PLCB1: variants seen among roughly 807,000 people sequenced by gnomAD.
PLCB1 encodes the protein phospholipase C beta 1.
Under a neutral mutation model 161.8 loss-of-function variants are expected in PLCB1, and 46 were observed. That is an observed-to-expected ratio of 0.28 (90% CI 0.22 to 0.36). The LOEUF (loss-of-function observed/expected upper bound fraction) is 0.36, where lower values mean the gene tolerates loss of function less well. Ranked by LOEUF, PLCB1 falls within the 10% of genes least tolerant of loss-of-function variation. The pLI, the probability that PLCB1 is intolerant of heterozygous loss-of-function variation, is 1.00. For missense variants in PLCB1, 1,016 were observed against 1,472.5 expected (o/e 0.69, Z 5.07); for synonymous variants, 517 against 503.7 (o/e 1.03, Z -0.35).
rs1555774312 is a variant in PLCB1 at position 8,587,179 on chromosome 20, A to AT, written c.247-41115_247-41114insT. Among the ~76,000 whole-genome samples the AT allele has an allele frequency of 2.6e-3, 381 of 144,390 alleles. 2 individuals carry two copies. The highest frequency in any genetic ancestry group is 8.9e-3 in the African/African-American group (345 of 38,884). 94.7% of individuals were successfully genotyped at this position (144,390 alleles called of 152,430 possible). ...CTAACGCCAGCACTATCAATTAAAA[A>AT]ATATATATATATATATGATCTCAAA... On this transcript the variant is annotated intron_variant, in intron 3 of 31. Coordinates refer to ENST00000338037, the MANE Select transcript of PLCB1 (RefSeq NM_015192.4).
chr20:8,694,411 T>C (rs1337245242), intron 10 of PLCB1, among the ~76,000 whole-genome samples: 2 of 152,166 alleles, frequency 1.3e-5, no homozygotes, highest in African/African-American at 4.8e-5. Context: ...AATAAACTCT[T>C]TCTCTTTTTT....
chr20:8,389,815 C>T (rs1987537007), intron 3 of PLCB1, among the ~76,000 whole-genome samples: 1 of 152,098 alleles, frequency 6.6e-6, no homozygotes, highest in Non-Finnish European at 1.5e-5. Context: ...GATGTGCAGG[C>T]CACACCCCAA....
At chr20:8,880,042 G>A (rs1478758519) in intron 31 of PLCB1, among the ~76,000 whole-genome samples, 1 of 152,116 alleles carries the variant, frequency 6.6e-6, no homozygotes, top group African/African-American at 2.4e-5. Flanking sequence ...GGCCTCCTGA[G>A]TCGGACAGAA....
chr20:8,875,090 A>G (rs1191002106), intron 31 of PLCB1, among the ~76,000 whole-genome samples: 1 of 151,712 alleles, frequency 6.6e-6, no homozygotes, highest in African/African-American at 2.4e-5. Flanking sequence ...GCTTTCATCT[A>G]TATTTCAAAT....
At chr20:8,529,505 C>T (rs1213610798) in intron 3 of PLCB1, among the ~76,000 whole-genome samples, 1 of 151,958 alleles carries the variant, frequency 6.6e-6, no homozygotes, top group Non-Finnish European at 1.5e-5. Context: ...TAAGGAAGTG[C>T]CTTTTATTGA....
intron 3 of PLCB1, among the ~76,000 whole-genome samples, chr20:8,567,414 C>T (rs946545826): frequency 6.6e-6 from 1 of 152,072 alleles, no homozygotes. Context: ...CAAGTCTTCA[C>T]TTCATTCTCC....
chr20:8,527,504 C>A (rs541979975), intron 3 of PLCB1, among the ~76,000 whole-genome samples: 2 of 152,156 alleles, frequency 1.3e-5, no homozygotes, highest in South Asian at 4.2e-4. Flanking sequence ...CCAGGGAAGG[C>A]CAATGGAAAG....
chr20:8,596,643 T>C, intron 3 of PLCB1, among the ~76,000 whole-genome samples: 1 of 113,354 alleles, frequency 8.8e-6, no homozygotes, highest in Non-Finnish European at 1.8e-5. Flanking sequence ...GTGAAGAAAG[T>C]CATTGGTAGC....
intron 2 of PLCB1, among the ~76,000 whole-genome samples, chr20:8,260,704 C>T (rs1050994934): frequency 1.3e-5 from 2 of 152,150 alleles, no homozygotes; most frequent in Admixed American, 6.5e-5. Context: ...GGAAGCATAG[C>T]ATGCCCATCC....
intron 16 of PLCB1, 108 bp from the exon 17 acceptor site, chr20:8,727,201 C>T: frequency 1.8e-6 from 1 of 550,118 alleles, no homozygotes; most frequent in Non-Finnish European, 3.2e-6. Flanking sequence ...GATTATTTGC[C>T]CTCAACTTCA....
At chr20:8,839,986 G>A (rs762418541) in intron 31 of PLCB1, among the ~76,000 whole-genome samples, 6 of 151,246 alleles carry the variant, frequency 4.0e-5, no homozygotes, top group East Asian at 3.9e-4. Flanking sequence ...AGCCAAGATC[G>A]CGCCACTGCA....
intron 11 of PLCB1, 70 bp from the exon 12 acceptor site, chr20:8,708,600 T>A: frequency 1.1e-6 from 1 of 915,444 alleles, no homozygotes. Flanking sequence ...ATTAATAGAT[T>A]TAATACCTTT....
intron 12 of PLCB1, among the ~76,000 whole-genome samples, chr20:8,714,270 G>A (rs1342193458): frequency 6.6e-6 from 1 of 152,086 alleles, no homozygotes; most frequent in Non-Finnish European, 1.5e-5. Flanking sequence ...GGCCACACTT[G>A]GAGAAGTAAA....
At chr20:8,308,045 C>G (rs1303970315) in intron 2 of PLCB1, among the ~76,000 whole-genome samples, 1 of 151,974 alleles carries the variant, frequency 6.6e-6, no homozygotes, top group African/African-American at 2.4e-5. Context: ...GTAGTTATTC[C>G]TGAACTTTTT....
intron 21 of PLCB1, 139 bp downstream of exon 21, chr20:8,739,499 T>C: frequency 3.2e-6 from 2 of 624,284 alleles, no homozygotes; most frequent in South Asian, 1.9e-5. Context: ...TGAGATTTAG[T>C]TACATGTTTT....
intron 3 of PLCB1, among the ~76,000 whole-genome samples, chr20:8,600,454 C>G (rs796289499): frequency 3.0e-4 from 45 of 148,158 alleles, no homozygotes; most frequent in Non-Finnish European, 5.1e-4. Context: ...GCAGTCTGCC[C>G]GTTCTCAGAT....
intron 31 of PLCB1, among the ~76,000 whole-genome samples, chr20:8,799,999 G>T (rs1984209761): frequency 6.6e-6 from 1 of 152,152 alleles, no homozygotes; most frequent in Admixed American, 6.5e-5. Context: ...ATCCAAAAGT[G>T]GTTGAATCCA....
chr20:8,472,632 C>G (rs1296442606), intron 3 of PLCB1, among the ~76,000 whole-genome samples: 1 of 151,800 alleles, frequency 6.6e-6, no homozygotes, highest in East Asian at 1.9e-4. Context: ...TTACTTGAGC[C>G]TAGGAGTTCA....
intron 2 of PLCB1, among the ~76,000 whole-genome samples, chr20:8,246,327 C>T (rs1176865286): frequency 2.0e-5 from 3 of 151,922 alleles, no homozygotes; most frequent in Non-Finnish European, 4.4e-5. Flanking sequence ...AGCTAGGTTG[C>T]TTTGCTCTGA....
Sources: allele counts gnomAD v4.1 joint callset (sites outside exome capture counted in the v4.1 genomes callset), GRCh38; gene constraint gnomAD v4.1.1; transcripts MANE v1.5; gene names NCBI Gene and HGNC (gene_info 2026-07-23, HGNC 2026-07-21).